The following IL1RAPL2 variants were observed in gnomAD, a reference collection of about 807,000 sequenced individuals.
IL1RAPL2 encodes X-linked interleukin-1 receptor accessory protein-like 2.
Under a neutral mutation model 44.1 loss-of-function variants are expected in IL1RAPL2, and 3 were observed. The observed-to-expected ratio is 0.07, with a 90% CI of 0.03 to 0.18. The LOEUF (loss-of-function observed/expected upper bound fraction) is 0.18, where lower values mean the gene tolerates loss of function less well. Among genes scored for constraint, IL1RAPL2 ranks in the 10% least tolerant of loss-of-function variants. The pLI, the probability that IL1RAPL2 is intolerant of heterozygous loss-of-function variation, is 1.00. For missense variants in IL1RAPL2, 391 were observed against 496.4 expected (o/e 0.79, Z 2.02); for synonymous variants, 181 against 178.8 (o/e 1.01, Z -0.10).
At chrX:104,759,053 A>G (rs1932385623) in intron 2 of IL1RAPL2, among the ~76,000 whole-genome samples, 1 of 112,845 alleles carries the variant, frequency 8.9e-6, no homozygotes, top group Admixed American at 9.4e-5. Context: ...GTTGAAAGAA[A>G]GAAACTTCTA....
chrX:105,616,560 C>T (rs980228101), intron 6 of IL1RAPL2, among the ~76,000 whole-genome samples: 4 of 111,319 alleles, frequency 3.6e-5, no homozygotes, highest in African/African-American at 1.3e-4. Flanking sequence ...TCATGTGCTT[C>T]TTAGGCATCC....
intron 2 of IL1RAPL2, among the ~76,000 whole-genome samples, chrX:104,970,488 A>C (rs1365147166): frequency 8.9e-6 from 1 of 111,980 alleles, no homozygotes; most frequent in African/African-American, 3.2e-5. Context: ...GCAGTTCTGC[A>C]GTCATATCTA....
intron 1 of IL1RAPL2, among the ~76,000 whole-genome samples, chrX:104,583,071 A>G (rs989841409): frequency 1.9e-5 from 2 of 107,206 alleles, no homozygotes; most frequent in Middle Eastern, 4.7e-3. Context: ...TATTTTTAGT[A>G]GAGTCGGGGT....
chrX:105,487,091 C>CAA lies in IL1RAPL2; in HGVS notation c.772+2724_772+2725dup, dbSNP rs397896906. 1.4e-3 allele frequency among the ~76,000 whole-genome samples: 53 copies of CAA among 38,200 alleles called. 1 individual carries two copies. Among genetic ancestry groups the CAA allele is most frequent in the Middle Eastern group, 0.02 (1 of 50 alleles). 33.2% of individuals were successfully genotyped at this position (38,200 alleles called of 115,157 possible). On this transcript the variant is annotated intron_variant, in intron 6 of 10. Transcript: ENST00000372582. ...TGGGTGACAGAGCAAGACTCCATCT[C>CAA]AAAAAAAAAAAAAAAAAAAAATAGT...
At chrX:105,467,555 C>G (rs1180740937) in intron 5 of IL1RAPL2, among the ~76,000 whole-genome samples, 1 of 111,589 alleles carries the variant, frequency 9.0e-6, no homozygotes, top group African/African-American at 3.2e-5. Context: ...TTGATTCTCT[C>G]AAGCAAAAAG....
chrX:105,383,918 T>A (rs1053189701), intron 5 of IL1RAPL2, among the ~76,000 whole-genome samples: 2 of 112,164 alleles, frequency 1.8e-5, no homozygotes, highest in Non-Finnish European at 3.8e-5. Flanking sequence ...TTTTGAAATA[T>A]GTCTATTAGG....
Position 104,874,448 on chromosome X carries a change from G to A in IL1RAPL2, c.82+215453G>A, listed in dbSNP as rs994422615. 2.8e-5 allele frequency among the ~76,000 whole-genome samples: 3 copies of A among 108,944 alleles called. No individual in the cohort carries two copies. The Admixed American group carries it at 3.0e-4, about 11-fold the overall frequency. 94.6% of individuals were successfully genotyped at this position (108,944 alleles called of 115,157 possible). ...ATGGCAGAAGAGATTAGTTCCAATGGCAATGCTCGTCCTCTACCCACAATC... is the reference window on the plus strand; with the variant it reads ...ATGGCAGAAGAGATTAGTTCCAATGACAATGCTCGTCCTCTACCCACAATC... On this transcript the variant is annotated intron_variant, in intron 2 of 10. Transcript: ENST00000372582.
chrX:105,451,494 G>C (rs1263800480), intron 5 of IL1RAPL2, among the ~76,000 whole-genome samples: 1 of 112,073 alleles, frequency 8.9e-6, no homozygotes, highest in Non-Finnish European at 1.9e-5. Context: ...GGTAGCTTTT[G>C]TGTATAAGAC....
chrX:104,568,418 T>TG (rs1301807495), intron 1 of IL1RAPL2, among the ~76,000 whole-genome samples: 2 of 111,326 alleles, frequency 1.8e-5, no homozygotes, highest in Non-Finnish European at 3.8e-5. Flanking sequence ...TGTCTGGGAC[T>TG]GGGGTCCATT....
chrX:105,105,557 G>A (rs1353906231), intron 2 of IL1RAPL2, among the ~76,000 whole-genome samples: 1 of 112,314 alleles, frequency 8.9e-6, no homozygotes, highest in Non-Finnish European at 1.9e-5. Flanking sequence ...TCGTTAGTTT[G>A]GTTTGAGTAC....
At chrX:105,723,384 T>G (rs755452456) in intron 7 of IL1RAPL2, among the ~76,000 whole-genome samples, 2 of 111,765 alleles carry the variant, frequency 1.8e-5, no homozygotes, top group East Asian at 5.7e-4. Flanking sequence ...TGAAGCTTCC[T>G]CTACAGTTCT....
chrX:105,641,573 G>A (rs898346423), intron 6 of IL1RAPL2, among the ~76,000 whole-genome samples: 3 of 111,496 alleles, frequency 2.7e-5, no homozygotes, highest in African/African-American at 9.8e-5. Flanking sequence ...CAGAGATAAT[G>A]GAGAGAGGAG....
intron 2 of IL1RAPL2, among the ~76,000 whole-genome samples, chrX:105,035,457 C>T (rs1188075388): frequency 8.9e-6 from 1 of 112,152 alleles, no homozygotes; most frequent in Non-Finnish European, 1.9e-5. Flanking sequence ...TAATTATTCA[C>T]ATAAAGGGAA....
At chrX:105,342,344 T>C (rs933898105) in intron 5 of IL1RAPL2, among the ~76,000 whole-genome samples, 1 of 112,377 alleles carries the variant, frequency 8.9e-6, no homozygotes, top group Non-Finnish European at 1.9e-5. Flanking sequence ...ATTATCTGTA[T>C]CTTACAGGCA....
intron 5 of IL1RAPL2, among the ~76,000 whole-genome samples, chrX:105,373,087 G>A (rs1172581032): frequency 2.7e-5 from 3 of 112,743 alleles, no homozygotes; most frequent in African/African-American, 9.7e-5. Flanking sequence ...CTTTGAGTAA[G>A]TGTCACACTG....
chrX:104,906,350 G>C (rs1360625954), intron 2 of IL1RAPL2, among the ~76,000 whole-genome samples: 1 of 110,319 alleles, frequency 9.1e-6, no homozygotes, highest in Non-Finnish European at 1.9e-5. Context: ...TGTTGAATAG[G>C]AGTGGTGAGA....
chrX:105,514,670 G>A (rs2036498510), intron 6 of IL1RAPL2, among the ~76,000 whole-genome samples: 1 of 111,376 alleles, frequency 9.0e-6, no homozygotes, highest in Admixed American at 9.6e-5. Flanking sequence ...AAGCAAAAGC[G>A]GACAGTAAAA....
At chrX:105,007,889 G>A (rs2030969777) in intron 2 of IL1RAPL2, among the ~76,000 whole-genome samples, 1 of 114,738 alleles carries the variant, frequency 8.7e-6, no homozygotes, top group African/African-American at 3.1e-5. Flanking sequence ...GAAGAGAAAA[G>A]TCTATAGTAA....
intron 6 of IL1RAPL2, among the ~76,000 whole-genome samples, chrX:105,554,398 C>T (rs2036882121): frequency 9.0e-6 from 1 of 111,027 alleles, no homozygotes; most frequent in South Asian, 3.7e-4. Flanking sequence ...TATAATATAT[C>T]TTGGTGTGGT....
Sources: allele counts gnomAD v4.1 joint callset (sites outside exome capture counted in the v4.1 genomes callset), GRCh38; gene constraint gnomAD v4.1.1; transcripts MANE v1.5; gene names NCBI Gene and HGNC (gene_info 2026-07-23, HGNC 2026-07-21).